The following LIMCH1 variants were observed in gnomAD, a reference collection of about 807,000 sequenced individuals.
LIMCH1 encodes the protein LIM and calponin homology domains 1.
LIMCH1 carries 113 observed loss-of-function variants against 176.5 expected under a neutral mutation model. The observed-to-expected ratio is 0.64, with a 90% CI of 0.55 to 0.75. LIMCH1 has a LOEUF of 0.75. Among genes scored for constraint, LIMCH1 ranks in the 30% least tolerant of loss-of-function variants. The pLI, the probability that LIMCH1 is intolerant of heterozygous loss-of-function variation, is 0.00. For synonymous variants in LIMCH1, 619 were observed against 645.9 expected (o/e 0.96, Z 0.63); for missense variants, 1,674 against 1,814.9 (o/e 0.92, Z 1.41).
intron 1 of LIMCH1, among the ~76,000 whole-genome samples, chr4:41,594,669 GA>G (rs1205015640): frequency 6.6e-6 from 1 of 152,190 alleles, no homozygotes; most frequent in African/African-American, 2.4e-5. Flanking sequence ...CAAGAAGCTG[GA>G]AACAGACCTG....
intron 1 of LIMCH1, among the ~76,000 whole-genome samples, chr4:41,476,457 G>A (rs1370859675): frequency 3.3e-5 from 5 of 152,208 alleles, no homozygotes; most frequent in Non-Finnish European, 7.3e-5. Flanking sequence ...GTTCACTCCT[G>A]TGCAGGCCAA....
intron 1 of LIMCH1, among the ~76,000 whole-genome samples, chr4:41,391,652 C>G (rs1215716882): frequency 6.6e-6 from 1 of 152,104 alleles, no homozygotes; most frequent in Non-Finnish European, 1.5e-5. Flanking sequence ...CCAGATTAAT[C>G]ATGACATAGC....
At chr4:41,367,250 A>C (rs891798377) in intron 1 of LIMCH1, among the ~76,000 whole-genome samples, 1 of 152,200 alleles carries the variant, frequency 6.6e-6, no homozygotes, top group African/African-American at 2.4e-5. Context: ...TGGCATCAGG[A>C]AAAGGACAGA....
rs1732424356 is a variant in LIMCH1 at position 41,699,878 on chromosome 4, T to C, written c.*2693T>C. The stretch of plus-strand genomic sequence containing the variant: ...ATATGTGAGTCCGTCCAAAAGATGT[T>C]ACTGCTCTGGGTGGGCCAGTGTTCT... On this transcript the variant is annotated 3_prime_UTR_variant, in exon 32 of 32. Transcript: ENST00000503057. 1 of 152,234 alleles carries C rather than the reference T, an allele frequency of 6.6e-6. No individual in the cohort carries two copies. Among genetic ancestry groups the C allele is most frequent in the Non-Finnish European group, 1.5e-5 (1 of 68,036 alleles). 9.4% of individuals were successfully genotyped at this position (152,234 alleles called of 1,614,324 possible).
At chr4:41,621,748 A>G (rs547817940) in intron 7 of LIMCH1, among the ~76,000 whole-genome samples, 16 of 140,864 alleles carry the variant, frequency 1.1e-4, no homozygotes, top group Admixed American at 6.8e-4. Context: ...CCCATCTTCC[A>G]GAAGTCCAGA....
At chr4:41,694,868 C>A (rs1228498016) in intron 31 of LIMCH1, among the ~76,000 whole-genome samples, 2 of 152,118 alleles carry the variant, frequency 1.3e-5, no homozygotes, top group East Asian at 3.9e-4. Context: ...GTATGAGAGA[C>A]CCCCTTTATT....
At chr4:41,534,726 A>C (rs750078985), upstream of LIMCH1, among the ~76,000 whole-genome samples, 8 of 152,124 alleles carry the variant, frequency 5.3e-5, no homozygotes, top group Admixed American at 6.6e-5. Flanking sequence ...ACCACTATGA[A>C]GTTCCCCTCC....
At chr4:41,667,668 C>T (rs2094875127) in intron 21 of LIMCH1, among the ~76,000 whole-genome samples, 1 of 152,038 alleles carries the variant, frequency 6.6e-6, no homozygotes, top group Non-Finnish European at 1.5e-5. Context: ...TTTAAGAACC[C>T]AATTTGAATC....
intron 2 of LIMCH1, among the ~76,000 whole-genome samples, chr4:41,504,907 G>C (rs1363915219): frequency 6.6e-6 from 1 of 152,144 alleles, no homozygotes; most frequent in Non-Finnish European, 1.5e-5. Context: ...TGATTTCCTA[G>C]GGTTCAACCT....
At chr4:41,618,053 G>T (rs2092276990) in intron 5 of LIMCH1, among the ~76,000 whole-genome samples, 1 of 152,200 alleles carries the variant, frequency 6.6e-6, no homozygotes, top group South Asian at 2.1e-4. Context: ...AACTCAAAAG[G>T]AAGTGGCTCT....
rs1425042534 is a variant in LIMCH1 at position 41,439,575 on chromosome 4, C to A, written c.97-54961C>A. Among the ~76,000 whole-genome samples the A allele has an allele frequency of 1.3e-5, 2 of 151,840 alleles. 1 individual carries two copies. On this transcript the variant is annotated intron_variant, in intron 1 of 26. Transcript: ENST00000313860. Reference sequence around the variant, plus strand: ...CTGCAGCCTGGATGACAGAGCAAGACCCTGTCTCATTAAAAAAAAAAGAAT... The same window carrying A: ...CTGCAGCCTGGATGACAGAGCAAGAACCTGTCTCATTAAAAAAAAAAGAAT...
At chr4:41,656,742 C>G (rs1490640944) in intron 18 of LIMCH1, among the ~76,000 whole-genome samples, 2 of 152,024 alleles carry the variant, frequency 1.3e-5, no homozygotes, top group Admixed American at 1.3e-4. Context: ...ATAAGTTGTC[C>G]AAGACGAGAG....
chr4:41,360,900 C>G lies in LIMCH1; in HGVS notation c.60C>G (p.Pro20=), dbSNP rs772963610. ...AGCCCCTGCAGCCCGAGCCGCCCCC[C>G]GAGCCCGCCTTCTCCGAGGCGCAGA... is the stretch of plus-strand genomic sequence containing the variant. Residue 20 remains proline (P), a synonymous_variant, in exon 1 of 27, where the codon CCC becomes CCG. Coordinates refer to the LIMCH1 transcript ENST00000313860. This position sits in a 1 kb window ranked among gnomAD's most constrained non-coding sequence, Gnocchi z 4.5. The G allele has an allele frequency of 2.5e-6, 4 of 1,589,406 alleles. No individual in the cohort carries two copies. The highest frequency in any genetic ancestry group is 1.8e-5 in the Admixed American group (1 of 55,748).
chr4:41,379,597 A>G (rs929266439), intron 1 of LIMCH1, among the ~76,000 whole-genome samples: 1 of 152,214 alleles, frequency 6.6e-6, no homozygotes, highest in Non-Finnish European at 1.5e-5. Context: ...TTTTAAAGCC[A>G]TCATAAGTGG....
chr4:41,595,036 C>A (rs961211343), intron 1 of LIMCH1, among the ~76,000 whole-genome samples: 16 of 152,212 alleles, frequency 1.1e-4, no homozygotes, highest in African/African-American at 3.9e-4. Flanking sequence ...TGGATCTGTA[C>A]TAGTCACTCG....
intron 1 of LIMCH1, among the ~76,000 whole-genome samples, chr4:41,587,666 T>C (rs2086719367): frequency 6.6e-6 from 1 of 151,862 alleles, no homozygotes; most frequent in South Asian, 2.1e-4. Flanking sequence ...ATCCAATATA[T>C]GCCTATTTAC....
At chr4:41,471,879 C>A (rs1456881261) in intron 1 of LIMCH1, among the ~76,000 whole-genome samples, 1 of 152,292 alleles carries the variant, frequency 6.6e-6, no homozygotes, top group Admixed American at 6.5e-5. Context: ...GAGCTCAGCA[C>A]GCCTTTTTGG....
At chr4:41,675,890 G>GA (rs1213824041) in intron 22 of LIMCH1, among the ~76,000 whole-genome samples, 2 of 152,200 alleles carry the variant, frequency 1.3e-5, no homozygotes, top group African/African-American at 4.8e-5. Flanking sequence ...GAGCATTGGT[G>GA]AGTTAAACAA....
chr4:41,376,920 A>T (rs927076090), intron 1 of LIMCH1, among the ~76,000 whole-genome samples: 3 of 152,130 alleles, frequency 2.0e-5, no homozygotes, highest in Non-Finnish European at 2.9e-5. Context: ...AAAAACTAAA[A>T]TTTTTTTAAT....
Sources: gnomAD v4.1 joint callset for allele counts (sites outside exome capture counted in the v4.1 genomes callset) on GRCh38, gnomAD v4.1.1 for gene constraint, Gnocchi (gnomAD v3.1) non-coding constraint, MANE v1.5 for transcripts, NCBI Gene and HGNC (gene_info 2026-07-23, HGNC 2026-07-21) for gene names.